The following ZC3H3 variants were observed in gnomAD, a reference collection of about 807,000 sequenced individuals.
ZC3H3 encodes the protein zinc finger CCCH domain-containing protein 3.
A neutral mutation model predicts 77.3 loss-of-function variants in ZC3H3; 36 were observed. That is an observed-to-expected ratio of 0.47 (90% confidence interval 0.36 to 0.61). The LOEUF is 0.61. ZC3H3 is among the 20% of genes least tolerant of loss of function. The probability of loss-of-function intolerance (pLI) is 0.00; values close to 1 mark genes in which losing one functional copy is unlikely to be tolerated. For synonymous variants in ZC3H3, 626 were observed against 555.2 expected (o/e 1.13, Z -1.79); for missense variants, 1,331 against 1,312.2 (o/e 1.01, Z -0.22).
rs1821128226 is a variant in ZC3H3, at chr8:143,489,114, A to C, written c.1716-13529T>G. Among the ~76,000 whole-genome samples, 2 of 152,222 alleles carry C rather than the reference A, an allele frequency of 1.3e-5. 1 individual carries two copies. Among genetic ancestry groups the C allele is most frequent in the Admixed American group, 1.3e-4 (2 of 15,286 alleles). Reference sequence around the variant, plus strand: ...CCTAAGACCAGCAATGAGAGGAGTGAGGTGGGGCCTGGGTGGGGATCAGCT... The same window carrying C: ...CCTAAGACCAGCAATGAGAGGAGTGCGGTGGGGCCTGGGTGGGGATCAGCT... On this transcript the variant is annotated intron_variant, in intron 4 of 11. Coordinates refer to ENST00000262577, the MANE Select transcript of ZC3H3 (RefSeq NM_015117.3).
intron 9 of ZC3H3, among the ~76,000 whole-genome samples, chr8:143,449,836 C>T (rs931503411): frequency 3.3e-5 from 5 of 152,206 alleles, no homozygotes; most frequent in Admixed American, 3.3e-4. Context: ...ATGGCAGGAA[C>T]ATAGTGCAGC....
chr8:143,508,249 C>G (rs963507952), intron 3 of ZC3H3, among the ~76,000 whole-genome samples: 1 of 152,224 alleles, frequency 6.6e-6, no homozygotes, highest in Non-Finnish European at 1.5e-5. Context: ...GTATCCGCAA[C>G]AGGGGGACTC....
intron 3 of ZC3H3, among the ~76,000 whole-genome samples, chr8:143,526,581 C>T (rs551977992): frequency 9.9e-5 from 15 of 152,260 alleles, no homozygotes; most frequent in East Asian, 5.8e-4. Flanking sequence ...AGCTTTGCCA[C>T]GACCCACCTG....
intron 4 of ZC3H3, among the ~76,000 whole-genome samples, chr8:143,489,257 C>T (rs901832889): frequency 1.1e-4 from 17 of 152,164 alleles, no homozygotes; most frequent in Non-Finnish European, 2.2e-4. Flanking sequence ...CCTTGCTCTG[C>T]CACTCTCCAT....
chr8:143,477,833 ACCC>A (rs71316895), intron 4 of ZC3H3, among the ~76,000 whole-genome samples: 1 of 151,688 alleles, frequency 6.6e-6, no homozygotes, highest in Non-Finnish European at 1.5e-5. Flanking sequence ...GCCAGGGTGC[ACCC>A]CCCCACCGCA....
At chr8:143,506,626 T>A (rs532406719) in intron 4 of ZC3H3, among the ~76,000 whole-genome samples, 1 of 152,210 alleles carries the variant, frequency 6.6e-6, no homozygotes, top group African/African-American at 2.4e-5. Flanking sequence ...AACAAAAATA[T>A]TACAAAAAGT....
At chr8:143,466,057 C>T (rs374028088) in intron 8 of ZC3H3, among the ~76,000 whole-genome samples, 2 of 152,212 alleles carry the variant, frequency 1.3e-5, no homozygotes, top group African/African-American at 2.4e-5. Flanking sequence ...ACACCCCTGC[C>T]GTGCTCTGTC....
chr8:143,538,122 C>G lies in ZC3H3; in HGVS notation c.1245G>C (p.Pro415=). The part of the protein sequence containing the change: ...SQLSPVLSRS[P]SGDRPAVGHS... The stretch of plus-strand genomic sequence containing the variant: ...GTCCTACTGCTGGTCTGTCCCCCGA[C>G]GGGGACCTAGACAGGACTGGGGAGA... The change falls in exon 2 of 12, where the codon CCG becomes CCC. Residue 415 remains proline, a synonymous_variant. Coordinates refer to ENST00000262577, the MANE Select transcript of ZC3H3 (RefSeq NM_015117.3). 2 of 1,613,170 alleles carry G rather than the reference C, an allele frequency of 1.2e-6. No individual in the cohort carries two copies. The highest frequency in any genetic ancestry group is 3.3e-4 in the Middle Eastern group (2 of 6,062).
chr8:143,518,537 G>A (rs568370675), intron 3 of ZC3H3, among the ~76,000 whole-genome samples: 3 of 152,216 alleles, frequency 2.0e-5, no homozygotes, highest in African/African-American at 4.8e-5. Context: ...AGGACTCCCC[G>A]GCCACATGCC....
intron 3 of ZC3H3, 59 bp from the exon 4 acceptor site, chr8:143,507,958 A>G: frequency 2.7e-6 from 4 of 1,486,384 alleles, no homozygotes; most frequent in Non-Finnish European, 3.6e-6. Context: ...GGGTAGGGTC[A>G]GAGAGGCCAC....
chr8:143,524,842 C>T (rs1822360255), intron 3 of ZC3H3, among the ~76,000 whole-genome samples: 1 of 152,246 alleles, frequency 6.6e-6, no homozygotes, highest in South Asian at 2.1e-4. Context: ...CTGCCCCAAG[C>T]CCATGCTCTG....
At chr8:143,502,246 G>GTGTGA (rs1199462785) in intron 4 of ZC3H3, among the ~76,000 whole-genome samples, 8 of 152,270 alleles carry the variant, frequency 5.3e-5, no homozygotes, top group African/African-American at 1.9e-4. Context: ...CACGGCCCCA[G>GTGTGA]CCGACGAAGA....
At chr8:143,491,863 G>A (rs956926088) in intron 4 of ZC3H3, among the ~76,000 whole-genome samples, 2 of 152,128 alleles carry the variant, frequency 1.3e-5, no homozygotes, top group Non-Finnish European at 2.9e-5. Context: ...TCGGCCCTGG[G>A]CCTGGCTTGG....
At chr8:143,510,546 C>G (rs750100129) in intron 3 of ZC3H3, among the ~76,000 whole-genome samples, 4 of 152,232 alleles carry the variant, frequency 2.6e-5, no homozygotes, top group African/African-American at 4.8e-5. Flanking sequence ...ATGCATGGCA[C>G]ACGGACCCAG....
intron 4 of ZC3H3, among the ~76,000 whole-genome samples, chr8:143,506,016 C>T (rs938539675): frequency 6.6e-6 from 1 of 152,214 alleles, no homozygotes; most frequent in Non-Finnish European, 1.5e-5. Flanking sequence ...AGCCACATGG[C>T]GCCGACAGGA....
rs57537352 is a variant in ZC3H3, at chr8:143,489,429, C to T, written c.1716-13844G>A. ...CCCTCAGCCAACCTTTGGGGGGATG[C>T]GCCCTCCCACCGCGGCTGGGCCACG... On this transcript the variant is annotated intron_variant, in intron 4 of 11. Coordinates refer to ENST00000262577, the MANE Select transcript of ZC3H3 (RefSeq NM_015117.3). Among the ~76,000 whole-genome samples the T allele has an allele frequency of 3.0e-3, 454 of 152,238 alleles. 2 individuals are homozygous for T. Among genetic ancestry groups the T allele is most frequent in the African/African-American group, 9.7e-3 (403 of 41,538 alleles).
chr8:143,489,745 T>C (rs1821149933), intron 4 of ZC3H3, among the ~76,000 whole-genome samples: 1 of 152,228 alleles, frequency 6.6e-6, no homozygotes, highest in African/African-American at 2.4e-5. Flanking sequence ...ATTCAAGCCA[T>C]TTTTCCGGTG....
intron 4 of ZC3H3, 120 bp from the exon 5 acceptor site, chr8:143,475,705 G>C (rs945861139): frequency 3.3e-6 from 4 of 1,200,948 alleles, no homozygotes; most frequent in Middle Eastern, 2.9e-4. Context: ...CAGCACTTGC[G>C]GTGGGTACAC....
chr8:143,525,253 G>A (rs1452876885), intron 3 of ZC3H3, among the ~76,000 whole-genome samples: 1 of 152,240 alleles, frequency 6.6e-6, no homozygotes, highest in Non-Finnish European at 1.5e-5. Context: ...CCAGCCTCCT[G>A]CTGAGTGAAA....
Sources: gnomAD v4.1 joint callset for allele counts (sites outside exome capture counted in the v4.1 genomes callset) on GRCh38, gnomAD v4.1.1 for gene constraint, MANE v1.5 for transcripts, NCBI Gene and HGNC (gene_info 2026-07-23, HGNC 2026-07-21) for gene names.